The following HDX variants were observed in gnomAD, a reference collection of about 807,000 sequenced individuals.
HDX encodes the protein chromosome X open reading frame 43.
HDX carries 19 observed loss-of-function variants against 45.2 expected under a neutral mutation model. The ratio of observed to expected loss-of-function variants is 0.42; its 90% CI spans 0.29 to 0.62. The LOEUF (loss-of-function observed/expected upper bound fraction) is 0.62. HDX is among the 20% of genes least tolerant of loss of function. The pLI, the probability that HDX is intolerant of heterozygous loss-of-function variation, is 0.20. For synonymous variants in HDX, 188 were observed against 172.8 expected, an observed-to-expected ratio of 1.09 and a Z score of -0.69; for missense variants, 532 against 493.9, an observed-to-expected ratio of 1.08 and a Z score of -0.73.
intron 3 of HDX, among the ~76,000 whole-genome samples, chrX:84,470,147 C>A (rs574802325): frequency 9.0e-6 from 1 of 111,182 alleles, no homozygotes. Flanking sequence ...TTGAAATATT[C>A]TTTCTTATAA....
In HDX at chrX:84,476,114, T is replaced by TA. The variant is rs1297296621; in HGVS notation, c.1-718dup. Among the ~76,000 whole-genome samples the TA allele has an allele frequency of 3.3e-3, 364 of 111,591 alleles. 2 individuals carry two copies. The highest frequency in any genetic ancestry group is 0.011 in the African/African-American group (350 of 30,739). ...ACCATCACAATTTGACAAGATAAGT[T>TA]AAAAAAATGCTTTATCTTTTCTGCC... On this transcript the variant is annotated intron_variant, in intron 2 of 10. Coordinates refer to ENST00000373177, the MANE Select transcript of HDX (RefSeq NM_001177479.2).
intron 7 of HDX, among the ~76,000 whole-genome samples, chrX:84,338,384 C>G (rs1038982572): frequency 9.0e-6 from 1 of 110,526 alleles, no homozygotes; most frequent in African/African-American, 3.3e-5. Flanking sequence ...TACACACACA[C>G]ACATATATAA....
At chrX:84,487,160 CA>C (rs1195524699) in intron 2 of HDX, among the ~76,000 whole-genome samples, 1 of 111,997 alleles carries the variant, frequency 8.9e-6, no homozygotes, top group Non-Finnish European at 1.9e-5. Flanking sequence ...AATGAATTTT[CA>C]GCTCTATAAT....
At chrX:84,483,941 C>A (rs2040738984) in intron 2 of HDX, among the ~76,000 whole-genome samples, 1 of 111,420 alleles carries the variant, frequency 9.0e-6, no homozygotes, top group Non-Finnish European at 1.9e-5. Context: ...ACTCCAGTTT[C>A]CAACAAGTTC....
At chrX:84,488,558 C>G (rs906363813) in intron 1 of HDX, among the ~76,000 whole-genome samples, 1 of 111,049 alleles carries the variant, frequency 9.0e-6, no homozygotes, top group Non-Finnish European at 1.9e-5. Flanking sequence ...ATTGTATAGT[C>G]TCTAGTTGTT....
At chrX:84,454,054 A>T (rs190395205) in intron 4 of HDX, among the ~76,000 whole-genome samples, 2 of 111,695 alleles carry the variant, frequency 1.8e-5, no homozygotes, top group Admixed American at 9.5e-5. Flanking sequence ...TTTGAACCTG[A>T]GTTGTCAGCA....
intron 7 of HDX, 99 bp from the exon 8 acceptor site, chrX:84,336,979 A>G: frequency 7.5e-6 from 4 of 535,440 alleles, no homozygotes; most frequent in Middle Eastern, 1.1e-3. Context: ...TTATAAAAAG[A>G]CACAAATGGC....
intron 7 of HDX, among the ~76,000 whole-genome samples, chrX:84,338,134 A>G (rs1368677536): frequency 9.0e-6 from 1 of 111,050 alleles, no homozygotes; most frequent in Non-Finnish European, 1.9e-5. Flanking sequence ...CTTTTCATGG[A>G]AAGAAATATA....
At chrX:84,478,192 A>G (rs768494331) in intron 2 of HDX, among the ~76,000 whole-genome samples, 1 of 112,087 alleles carries the variant, frequency 8.9e-6, no homozygotes, top group African/African-American at 3.2e-5. Flanking sequence ...AAGTTTATAT[A>G]TCATATTCAG....
intron 6 of HDX, among the ~76,000 whole-genome samples, chrX:84,356,096 AT>A (rs1403871997): frequency 1.8e-5 from 2 of 111,502 alleles, no homozygotes; most frequent in South Asian, 3.8e-4. Flanking sequence ...TTAAAAAAAA[AT>A]CTGAAACTTT....
intron 9 of HDX, among the ~76,000 whole-genome samples, chrX:84,331,195 G>A (rs2036835509): frequency 9.0e-6 from 1 of 111,327 alleles, no homozygotes; most frequent in African/African-American, 3.3e-5. Flanking sequence ...TAAACATTTT[G>A]TGTTATTTAG....
chrX:84,443,196 C>G (rs945466545), intron 4 of HDX, among the ~76,000 whole-genome samples: 3 of 111,628 alleles, frequency 2.7e-5, no homozygotes, highest in African/African-American at 6.5e-5. Flanking sequence ...AACTCAGGAA[C>G]AGCTGGTCAG....
chrX:84,322,566 C>T (rs2036618802), intron 10 of HDX, among the ~76,000 whole-genome samples: 1 of 110,627 alleles, frequency 9.0e-6, no homozygotes, highest in South Asian at 3.8e-4. Flanking sequence ...AGGCTATGTT[C>T]ATACCTACAG....
At chrX:84,397,085 A>G (rs1004038149) in intron 5 of HDX, among the ~76,000 whole-genome samples, 2 of 112,162 alleles carry the variant, frequency 1.8e-5, no homozygotes, top group African/African-American at 6.5e-5. Context: ...ATGTCAGTCA[A>G]CACTTCACTC....
intron 5 of HDX, among the ~76,000 whole-genome samples, chrX:84,404,681 G>A (rs1209112620): frequency 9.0e-6 from 1 of 110,754 alleles, no homozygotes; most frequent in Non-Finnish European, 1.9e-5. Flanking sequence ...GAAAGCAGGG[G>A]GTGTCATACA....
rs142514196 is a variant in HDX at position 84,473,763 on chromosome X, G to A, written c.147+1488C>T. ...GCAAGCGTTTTCATTTTAAGGTAATGACAAGAAAAAAGAAAAAAAAAAGCA... is the reference window on the plus strand; with the variant it reads ...GCAAGCGTTTTCATTTTAAGGTAATAACAAGAAAAAAGAAAAAAAAAAGCA... On this transcript the variant is annotated intron_variant, in intron 3 of 10. Transcript: ENST00000373177. Among the ~76,000 whole-genome samples, 837 of 102,230 alleles carry A rather than the reference G, an allele frequency of 8.2e-3. 13 individuals are homozygous for A. Among genetic ancestry groups the A allele is most frequent in the African/African-American group, 0.03 (821 of 27,688 alleles). 88.8% of individuals were successfully genotyped at this position (102,230 alleles called of 115,157 possible).
chrX:84,358,926 G>T (rs1371025865), intron 6 of HDX, among the ~76,000 whole-genome samples: 1 of 110,886 alleles, frequency 9.0e-6, no homozygotes, highest in Non-Finnish European at 1.9e-5. Flanking sequence ...TGTGTGTACT[G>T]GTGTCAACCT....
At chrX:84,383,797 C>T (rs1222084633) in intron 5 of HDX, among the ~76,000 whole-genome samples, 1 of 111,419 alleles carries the variant, frequency 9.0e-6, no homozygotes, top group East Asian at 2.8e-4. Flanking sequence ...TAAGAGCATG[C>T]GGTATTTGGT....
chrX:84,333,851 C>G lies in HDX; in HGVS notation c.1741-9G>C. ...TCAATAATTTCTATTTTCTGTAACA[C>G]AAGTAGAGAAGTTACAAATATATAT... On this transcript the variant is annotated splice_polypyrimidine_tract_variant and intron_variant, in intron 8 of 10. Transcript: ENST00000373177. The G allele has an allele frequency of 2.6e-6, 2 of 778,893 alleles. No homozygotes were observed. The highest frequency in any genetic ancestry group is 3.8e-6 in the Non-Finnish European group (2 of 521,003). 64.2% of individuals were successfully genotyped at this position (778,893 alleles called of 1,213,427 possible). A position where few individuals can be genotyped will look rare whatever the true frequency, so the allele number is the denominator to read the frequency against.
Sources: allele counts gnomAD v4.1 joint callset (sites outside exome capture counted in the v4.1 genomes callset), GRCh38; gene constraint gnomAD v4.1.1; transcripts MANE v1.5; gene names NCBI Gene and HGNC (gene_info 2026-07-23, HGNC 2026-07-21).